The following ZNF397 variants were observed in gnomAD, a reference collection of about 807,000 sequenced individuals.
ZNF397 encodes zinc finger protein 397.
ZNF397 carries 38 observed loss-of-function variants against 50.6 expected under a neutral mutation model. That is an observed-to-expected ratio of 0.75 (90% CI 0.58 to 0.98). ZNF397 has a LOEUF of 0.98. ZNF397 is among the 50% of genes least tolerant of loss of function. The pLI is 0.00. For missense variants in ZNF397, 624 were observed against 624.1 expected, an observed-to-expected ratio of 1.00 and a Z score of 0.00; for synonymous variants, 228 against 215.2, an observed-to-expected ratio of 1.06 and a Z score of -0.52.
At position 35,248,252 on chromosome 18, in the gene ZNF397, A is replaced by G. The variant is rs369933563; in HGVS notation, c.*1942A>G. The stretch of plus-strand genomic sequence containing the variant: ...AAAGAATTTTCATGAGGATAAAAAG[A>G]AGCAAAGAGAAGTAATGCTCTTATT... On this transcript the variant is annotated 3_prime_UTR_variant, in exon 4 of 4. Coordinates refer to ENST00000330501, the MANE Select transcript of ZNF397 (RefSeq NM_001135178.3). 6.6e-6 allele frequency: 1 copy of G among 152,222 alleles called. No homozygotes were observed. The highest frequency in any genetic ancestry group is 1.5e-5 in the Non-Finnish European group (1 of 68,052). The allele number at this position is 152,222 out of a possible 1,614,324, so 9.4% of individuals were successfully genotyped here.
downstream of ZNF397, chr18:35,253,602 C>G (rs1480059840): frequency 6.2e-7 from 1 of 1,614,092 alleles, no homozygotes; most frequent in South Asian, 1.1e-5. Context: ...TTTCCACATT[C>G]ATTACATTCA....
chr18:35,255,872 C>T (rs763637002), intron 5 of ZNF397: 4 of 154,274 alleles, frequency 2.6e-5, no homozygotes, highest in Non-Finnish European at 5.9e-5. Flanking sequence ...GAAAAATATA[C>T]TTGCATACAA....
downstream of ZNF397, chr18:35,253,784 G>A: frequency 6.2e-7 from 1 of 1,614,064 alleles, no homozygotes; most frequent in East Asian, 2.2e-5. Context: ...ACATTCATAA[G>A]GCTTCTCTCC....
chr18:35,244,589 G>C (rs1462958006), intron 3 of ZNF397, among the ~76,000 whole-genome samples: 1 of 152,088 alleles, frequency 6.6e-6, no homozygotes. Flanking sequence ...ATCTAAGAAG[G>C]AACAGCCACA....
chr18:35,252,003 A>G (rs2043615078), downstream of ZNF397: 1 of 152,142 alleles, frequency 6.6e-6, no homozygotes, highest in Non-Finnish European at 1.5e-5. Context: ...AAATTAGCAG[A>G]GAGAGTTACA....
chr18:35,254,289 G>A (rs771146607), downstream of ZNF397: 1 of 1,614,072 alleles, frequency 6.2e-7, no homozygotes, highest in South Asian at 1.1e-5. Context: ...GTTTCTCCAG[G>A]AAGTTTTCCC....
In ZNF397 at chr18:35,246,670, C is replaced by G; in HGVS notation, c.*360C>G. 1 of 1,011,248 alleles carries G rather than the reference C, an allele frequency of 9.9e-7. No individual in the cohort carries two copies. Among genetic ancestry groups the G allele is most frequent in the Non-Finnish European group, 1.2e-6 (1 of 847,064 alleles). The allele number at this position is 1,011,248 out of a possible 1,614,324, so 62.6% of individuals were successfully genotyped here. A position where few individuals can be genotyped will look rare whatever the true frequency, so the allele number is the denominator to read the frequency against. On this transcript the variant is annotated 3_prime_UTR_variant, in exon 4 of 4. Transcript: ENST00000330501. ...ATTGTTAGTGTGCCAGGTTATGGGG[C>G]TGGTGTGGACTGTGTGAGGCACTTC...
downstream of ZNF397, chr18:35,251,618 C>T (rs2043598461): frequency 6.6e-6 from 1 of 152,050 alleles, no homozygotes; most frequent in African/African-American, 2.4e-5. Flanking sequence ...AGATTTCCCC[C>T]TTGTTCTCAT....
At chr18:35,251,481 T>G (rs2043592279), downstream of ZNF397, 1 of 152,162 alleles carries the variant, frequency 6.6e-6, no homozygotes, top group South Asian at 2.1e-4. Flanking sequence ...TCCCCCCAAT[T>G]TCACCTCCCC....
downstream of ZNF397, chr18:35,251,814 A>T (rs1307947593): frequency 6.6e-6 from 1 of 150,980 alleles, no homozygotes; most frequent in African/African-American, 2.5e-5. Flanking sequence ...TTTTTTAATA[A>T]ATTACCCAGT....
chr18:35,243,648 G>T (rs1241790399), intron 3 of ZNF397: 6 of 514,912 alleles, frequency 1.2e-5, no homozygotes, highest in Non-Finnish European at 2.1e-5. Flanking sequence ...TAGGCAGTGG[G>T]TACTGTTGGA....
chr18:35,241,385 C>A (rs975088557), intron 1 of ZNF397: 1 of 151,800 alleles, frequency 6.6e-6, no homozygotes, highest in African/African-American at 2.4e-5. Flanking sequence ...GTTAGTGCGG[C>A]CGGACTGGTT....
rs766720773 is a variant in ZNF397, at chr18:35,245,683, C to A, written c.978C>A (p.Ser326=). ...GTGGGAAGGCCTTTAGTTTGAGGTC[C>A]TATCTTATTATTCATCAGAGAATTC... ...NQCGKAFSLR[S]YLIIHQRIHS... Residue 326 remains serine (S), a synonymous_variant, in exon 4 of 4, where the codon TCC becomes TCA. Coordinates refer to ENST00000330501, the MANE Select transcript of ZNF397 (RefSeq NM_001135178.3). 3.9e-6 allele frequency: 6 copies of A among 1,552,264 alleles called. No homozygotes were observed. The African/African-American group carries it at 8.2e-5, about 21-fold the overall frequency.
At chr18:35,257,996 G>A in exon 6 of ZNF397, 1 of 780,890 alleles carries the variant, frequency 1.3e-6, no homozygotes, top group East Asian at 2.4e-5. Context: ...CGCTACTTCT[G>A]GCAAGGCATA....
downstream of ZNF397, chr18:35,254,024 A>G (rs1187774686): frequency 6.2e-6 from 10 of 1,614,064 alleles, no homozygotes; most frequent in East Asian, 1.1e-4. Context: ...CCCACAGTCA[A>G]AGCACTCATA....
chr18:35,250,342 A>G (rs1355985538), downstream of ZNF397, among the ~76,000 whole-genome samples: 1 of 152,180 alleles, frequency 6.6e-6, no homozygotes, highest in Non-Finnish European at 1.5e-5. Context: ...GGGCACCAAT[A>G]TAGGGTGGAT....
exon 6 of ZNF397, chr18:35,257,952 A>T: frequency 1.3e-6 from 1 of 781,078 alleles, no homozygotes. Flanking sequence ...ACACATCGTC[A>T]ATAAATCACC....
downstream of ZNF397, chr18:35,254,424 T>C (rs2043719118): frequency 1.2e-6 from 2 of 1,613,244 alleles, no homozygotes; most frequent in Admixed American, 1.7e-5. Flanking sequence ...TTACTTCCCA[T>C]GACAGAAGAA....
downstream of ZNF397, chr18:35,254,302 C>A: frequency 6.2e-7 from 1 of 1,614,074 alleles, no homozygotes; most frequent in Non-Finnish European, 8.5e-7. Context: ...GTTTTCCCGG[C>A]GATATCATAG....
Sources: gnomAD v4.1 joint callset for allele counts (sites outside exome capture counted in the v4.1 genomes callset) on GRCh38, gnomAD v4.1.1 for gene constraint, MANE v1.5 for transcripts, NCBI Gene and HGNC (gene_info 2026-07-23, HGNC 2026-07-21) for gene names.